The following LRP1B variants were observed in gnomAD, a reference collection of about 807,000 sequenced individuals.
LRP1B encodes LDL receptor related protein 1B, also known as low-density lipoprotein receptor-related protein 1B.
In LRP1B, 217 loss-of-function variants were observed where a neutral mutation model predicts 556.6. The ratio of observed to expected loss-of-function variants is 0.39; its 90% CI spans 0.35 to 0.44. The LOEUF (loss-of-function observed/expected upper bound fraction) is 0.44. LRP1B is among the 20% of genes least tolerant of loss of function. The probability of loss-of-function intolerance (pLI) is 1.00; values close to 1 mark genes in which losing one functional copy is unlikely to be tolerated. For missense variants in LRP1B, 5,053 were observed against 5,620.8 expected (o/e 0.90, Z 3.23); for synonymous variants, 2,047 against 1,865.8 (o/e 1.10, Z -2.50).
intron 11 of LRP1B, among the ~76,000 whole-genome samples, chr2:141,047,091 C>A (rs1698897726): frequency 4.4e-5 from 2 of 45,210 alleles, no homozygotes; most frequent in Non-Finnish European, 1.2e-4. Context: ...ATAATAAATG[C>A]AAGTGTCTGG....
At chr2:140,932,422 C>T (rs1365178543) in intron 20 of LRP1B, among the ~76,000 whole-genome samples, 1 of 152,114 alleles carries the variant, frequency 6.6e-6, no homozygotes, top group Admixed American at 6.6e-5. Flanking sequence ...TCTAGGGTTG[C>T]TTCCATGCTA....
At chr2:140,980,165 A>G (rs1696725579) in intron 18 of LRP1B, among the ~76,000 whole-genome samples, 1 of 152,084 alleles carries the variant, frequency 6.6e-6, no homozygotes, top group Admixed American at 6.6e-5. Context: ...ATGAGCTCAT[A>G]CTTTATTTTC....
intron 3 of LRP1B, 45 bp downstream of exon 3, chr2:141,480,351 G>T (rs200988603): frequency 1.2e-4 from 196 of 1,606,918 alleles, no homozygotes; most frequent in Non-Finnish European, 1.6e-4. Context: ...TCATTACTAT[G>T]TAAAATTTAA....
intron 11 of LRP1B, among the ~76,000 whole-genome samples, chr2:141,031,180 C>T (rs1398558633): frequency 6.6e-6 from 1 of 151,146 alleles, no homozygotes; most frequent in Non-Finnish European, 1.5e-5. Context: ...AGTGCTGAGA[C>T]CATCAGACCA....
intron 3 of LRP1B, chr2:141,286,629 C>T: frequency 7.7e-6 from 2 of 258,266 alleles, no homozygotes; most frequent in South Asian, 6.2e-5. Flanking sequence ...ACAAATTTAA[C>T]ATCTTTAATC....
At chr2:140,900,139 G>A (rs945340373) in intron 23 of LRP1B, among the ~76,000 whole-genome samples, 34 of 152,188 alleles carry the variant, frequency 2.2e-4, no homozygotes, top group African/African-American at 8.0e-4. Flanking sequence ...GAGCAGAGGA[G>A]TCAATTCCAT....
intron 3 of LRP1B, among the ~76,000 whole-genome samples, chr2:141,378,507 T>G (rs777657163): frequency 6.6e-6 from 1 of 152,100 alleles, no homozygotes; most frequent in Non-Finnish European, 1.5e-5. Flanking sequence ...AGAAACCATC[T>G]CTAAACAAGT....
intron 77 of LRP1B, among the ~76,000 whole-genome samples, chr2:140,341,732 T>C (rs915948695): frequency 9.9e-5 from 15 of 151,118 alleles, no homozygotes; most frequent in African/African-American, 3.2e-4. Context: ...TGTAAGAAAA[T>C]GGGAGAGGTG....
At chr2:141,574,912 C>G (rs549366252) in intron 2 of LRP1B, among the ~76,000 whole-genome samples, 1 of 152,122 alleles carries the variant, frequency 6.6e-6, no homozygotes, top group Non-Finnish European at 1.5e-5. Context: ...TGTGAAGGGC[C>G]TCTTCAAGGA....
Position 140,238,185 on chromosome 2 carries a change from A to C in LRP1B, c.13527T>G (p.Leu4509=). 6.2e-7 allele frequency: 1 copy of C among 1,605,088 alleles called. No homozygotes were observed. Among genetic ancestry groups the C allele is most frequent in the Non-Finnish European group, 8.5e-7 (1 of 1,174,460 alleles). The change falls in exon 89 of 91, where the codon CTT becomes CTG. Residue 4509 remains leucine, a synonymous_variant. Transcript: ENST00000389484. ...GGTCTATCATAAAGCCAGGATCTAA[A>C]AGACCTCCATCGTTGTGATCATGAT... The part of the protein sequence containing the change: ...EVDHDHNDGG[L]LDPGFMIDPT...
intron 2 of LRP1B, among the ~76,000 whole-genome samples, chr2:141,795,666 C>A (rs765972866): frequency 1.2e-4 from 18 of 151,490 alleles, no homozygotes; most frequent in Non-Finnish European, 2.2e-4. Context: ...GATGTCAATT[C>A]CAGTCACGGT....
intron 3 of LRP1B, among the ~76,000 whole-genome samples, chr2:141,327,893 A>G (rs1687486660): frequency 6.6e-6 from 1 of 152,154 alleles, no homozygotes; most frequent in South Asian, 2.1e-4. Context: ...AGAGAGAGAG[A>G]GAGAGAGACA....
chr2:142,115,632 T>TATATATGTAATATATATTA (rs1491409880), intron 1 of LRP1B, among the ~76,000 whole-genome samples: 1 of 18,018 alleles, frequency 5.6e-5, no homozygotes, highest in African/African-American at 1.7e-4. Context: ...AATATATATA[T>TATATATGTAATATATATTA]TATATATGTA....
intron 33 of LRP1B, among the ~76,000 whole-genome samples, chr2:140,772,828 T>C (rs1303994540): frequency 1.3e-5 from 2 of 152,084 alleles, no homozygotes; most frequent in Admixed American, 1.3e-4. Context: ...TTGAAGAGGC[T>C]AGGCACAGTG....
intron 1 of LRP1B, among the ~76,000 whole-genome samples, chr2:141,996,851 A>T (rs980680845): frequency 6.6e-6 from 1 of 152,170 alleles, no homozygotes; most frequent in Admixed American, 6.6e-5. Context: ...TCAGAGAGAG[A>T]AAAGTAAATC....
At position 140,595,044 on chromosome 2, in the gene LRP1B, T is replaced by C. The variant is rs1682375148; in HGVS notation, c.7194+3587A>G. ...CTCCAAAATATAAAAATGGAATTTA[T>C]CCTGTTGTTTTGCAGATCTACTTAA... On this transcript the variant is annotated intron_variant, in intron 43 of 90. Coordinates refer to ENST00000389484, the MANE Select transcript of LRP1B (RefSeq NM_018557.3). 2.8e-5 allele frequency among the ~76,000 whole-genome samples: 4 copies of C among 142,164 alleles called. No homozygotes were observed. In the South Asian group the frequency reaches 8.9e-4, roughly 31 times the overall value. 93.3% of individuals were successfully genotyped at this position (142,164 alleles called of 152,430 possible). A position where few individuals can be genotyped will look rare whatever the true frequency, so the allele number is the denominator to read the frequency against.
In LRP1B at chr2:141,367,485, T is replaced by C. The variant is rs1441803035; in HGVS notation, c.344-112844A>G. 2.0e-3 allele frequency among the ~76,000 whole-genome samples: 259 copies of C among 129,964 alleles called. 5 individuals are homozygous for C. The highest frequency in any genetic ancestry group is 2.2e-3 in the Non-Finnish European group (132 of 61,162). 85.3% of individuals were successfully genotyped at this position (129,964 alleles called of 152,430 possible). On this transcript the variant is annotated intron_variant, in intron 3 of 90. Transcript: ENST00000389484. ...CATTTGAAATGCTTTTTTTTTTTTT[T>C]TTTTTTTTTTTTTTTGAGATGAAGT...
intron 32 of LRP1B, among the ~76,000 whole-genome samples, chr2:140,807,051 A>G (rs1690742702): frequency 6.6e-6 from 1 of 152,238 alleles, no homozygotes; most frequent in African/African-American, 2.4e-5. Context: ...CAATAGTTTT[A>G]AAGTCCTGCT....
At chr2:141,162,098 C>G (rs1399139842) in intron 7 of LRP1B, among the ~76,000 whole-genome samples, 1 of 152,096 alleles carries the variant, frequency 6.6e-6, no homozygotes, top group Non-Finnish European at 1.5e-5. Flanking sequence ...TCCCTTATAA[C>G]AGTAACCTCA....
Sources: gnomAD v4.1 joint callset for allele counts (sites outside exome capture counted in the v4.1 genomes callset) on GRCh38, gnomAD v4.1.1 for gene constraint, MANE v1.5 for transcripts, NCBI Gene and HGNC (gene_info 2026-07-23, HGNC 2026-07-21) for gene names.